Variants in RHOT2 observed in about 807,000 individuals in gnomAD.
The protein encoded by RHOT2 is ras homolog family member T2, also known as mitochondrial Rho GTPase 2.
A neutral mutation model predicts 81.6 loss-of-function variants in RHOT2; 90 were observed. The ratio of observed to expected loss-of-function variants is 1.10; its 90% CI spans 0.93 to 1.31. The LOEUF (loss-of-function observed/expected upper bound fraction) is 1.31. Among genes scored for constraint, RHOT2 ranks in the 40% most tolerant of loss-of-function variants. The pLI is 0.00. For missense variants in RHOT2, 1,014 were observed against 841.9 expected (o/e 1.20, Z -2.53); for synonymous variants, 512 against 370.9 (o/e 1.38, Z -4.37).
In RHOT2 at chr16:669,855, G is replaced by C. The variant is rs1020880689; in HGVS notation, c.276+249G>C. On this transcript the variant is annotated intron_variant, in intron 5 of 18. Transcript: ENST00000315082. Reference sequence around the variant, plus strand: ...TTCTTCCCCAGTTTCCAAACCCCCGGGGGGGGACCCGCAGAGGGCCTGCGT... The same window carrying C: ...TTCTTCCCCAGTTTCCAAACCCCCGCGGGGGGACCCGCAGAGGGCCTGCGT... 4.9e-6 allele frequency: 3 copies of C among 617,244 alleles called. No individual in the cohort carries two copies. In the East Asian group the frequency reaches 8.3e-5, roughly 17 times the overall value. 38.2% of individuals were successfully genotyped at this position (617,244 alleles called of 1,614,324 possible).
rs771754655 is a variant in RHOT2 at position 672,246 on chromosome 16, C to T, written c.1196-8C>T. The T allele has an allele frequency of 2.4e-5, 38 of 1,611,364 alleles. No homozygotes were observed. Among genetic ancestry groups the T allele is most frequent in the South Asian group, 7.7e-5 (7 of 90,992 alleles). On this transcript the variant is annotated splice_polypyrimidine_tract_variant and splice_region_variant and intron_variant, in intron 14 of 18. Coordinates refer to ENST00000315082, the MANE Select transcript of RHOT2 (RefSeq NM_138769.3). ...GGCAGCTGCCCTAACCCGTGTCTAT[C>T]CTCACAGTCACTCGTGAGAAGAGGC...
chr16:673,080 C>T lies in RHOT2; in HGVS notation c.1680C>T (p.Ala560=), dbSNP rs370698054. The T allele has an allele frequency of 3.0e-5, 48 of 1,611,726 alleles. No homozygotes were observed. Among genetic ancestry groups the T allele is most frequent in the Admixed American group, 8.3e-5 (5 of 60,020 alleles). ...APVPFSCAGP[A]EPSTTIFTQL... Reference sequence around the variant, plus strand: ...TGCCGTTCTCCTGTGCTGGCCCAGCCGAGCCCAGCACCACCATCTTCACCC... The same window carrying T: ...TGCCGTTCTCCTGTGCTGGCCCAGCTGAGCCCAGCACCACCATCTTCACCC... Residue 560 remains alanine, a synonymous_variant, in exon 18 of 19, where the codon GCC becomes GCT. Coordinates refer to ENST00000315082, the MANE Select transcript of RHOT2 (RefSeq NM_138769.3).
At chr16:670,086 G>C (rs778818844) in intron 5 of RHOT2, 37 bp from the exon 6 acceptor site, 2 of 1,529,940 alleles carry the variant, frequency 1.3e-6, no homozygotes, top group Non-Finnish European at 1.8e-6. Flanking sequence ...ATGTGCCCGC[G>C]GGCAGCCTCA....
Position 671,002 on chromosome 16 carries a change from T to C in RHOT2, c.748+2T>C. On this transcript the variant is annotated splice_donor_variant, in intron 10 of 18. Coordinates refer to ENST00000315082, the MANE Select transcript of RHOT2 (RefSeq NM_138769.3). LOFTEE classifies it high-confidence loss of function. ...GGGAGGACCGGCTGACCCTGGATGG[T>C]GAGGCCGGGTGCCCGCCTGTGCCTG... 6.3e-7 allele frequency: 1 copy of C among 1,590,676 alleles called. No individual in the cohort carries two copies. Among genetic ancestry groups the C allele is most frequent in the South Asian group, 1.1e-5 (1 of 89,292 alleles).
At chr16:670,410 G>T (rs369418607) in intron 7 of RHOT2, 46 bp from the exon 8 acceptor site, 26 of 1,608,664 alleles carry the variant, frequency 1.6e-5, no homozygotes, top group Non-Finnish European at 1.9e-5. Flanking sequence ...TTCTCAGTCG[G>T]TGCCCTCCTC....
intron 18 of RHOT2, 25 bp downstream of exon 18, chr16:673,155 G>A: frequency 6.2e-7 from 1 of 1,604,810 alleles, no homozygotes; most frequent in Non-Finnish European, 8.5e-7. Context: ...GCGCAGCCCT[G>A]GGGACTAGCA....
chr16:672,316 A>C lies in RHOT2; in HGVS notation c.1258A>C (p.Lys420Gln). Residue 420 changes from lysine to glutamine, a missense_variant, in exon 15 of 19, where the codon AAG becomes CAG. Lys to Gln is a moderately conservative substitution (Grantham distance 53). Transcript: ENST00000315082. ...GQTQRSVLLC[K>Q]VVGARGVGKS... ...GACGCAGCGGAGCGTCCTCCTGTGC[A>C]AGGTGGTAGGGGCCCGTGGAGTGGG... 2 of 1,612,406 alleles carry C rather than the reference A, an allele frequency of 1.2e-6. No homozygotes were observed. The highest frequency in any genetic ancestry group is 1.7e-6 in the Non-Finnish European group (2 of 1,179,774).
At chr16:668,595 C>T (rs1347046861) in intron 3 of RHOT2, 26 bp downstream of exon 3, 1 of 1,609,936 alleles carries the variant, frequency 6.2e-7, no homozygotes, top group East Asian at 2.2e-5. Context: ...TCCCGGGGGC[C>T]CGGCCCGCAG....
At position 670,365 on chromosome 16, in the gene RHOT2, G is replaced by A. The variant is rs757875542; in HGVS notation, c.438+8G>A. On this transcript the variant is annotated splice_region_variant and intron_variant, in intron 7 of 18. Transcript: ENST00000315082. ...ATTGAGACCTGCGTGGAGGTGAGTA[G>A]GTCCCAGGCAGGGCCGCCTCCTTCA... 1 of 1,612,360 alleles carries A rather than the reference G, an allele frequency of 6.2e-7. No homozygotes were observed. The highest frequency in any genetic ancestry group is 8.5e-7 in the Non-Finnish European group (1 of 1,179,566).
chr16:673,893 G>A lies in RHOT2; in HGVS notation c.*287G>A, dbSNP rs1316858655. 6 of 604,044 alleles carry A rather than the reference G, an allele frequency of 9.9e-6. No individual in the cohort carries two copies. Among genetic ancestry groups the A allele is most frequent in the Admixed American group, 6.8e-5 (3 of 44,410 alleles). 37.4% of individuals were successfully genotyped at this position (604,044 alleles called of 1,614,324 possible). A position where few individuals can be genotyped will look rare whatever the true frequency, so the allele number is the denominator to read the frequency against. ...TTGCCCACCCCTGGGCATCATGTGTGTGGGGCCGGGGAGCACAGGTGTGGG... is the reference window on the plus strand; with the variant it reads ...TTGCCCACCCCTGGGCATCATGTGTATGGGGCCGGGGAGCACAGGTGTGGG... On this transcript the variant is annotated 3_prime_UTR_variant, in exon 19 of 19. Transcript: ENST00000315082.
In RHOT2 at chr16:671,257, G is replaced by A. The variant is rs528869419; in HGVS notation, c.869+54G>A. On this transcript the variant is annotated intron_variant, in intron 11 of 18. Coordinates refer to ENST00000315082, the MANE Select transcript of RHOT2 (RefSeq NM_138769.3). ...CCTCCCCGAGGGTCAGGAGCTGACT[G>A]CCGACTATCTCTCCCCTCCATGAGT... The A allele has an allele frequency of 1.5e-5, 22 of 1,508,684 alleles. No individual in the cohort carries two copies. In the Admixed American group the frequency reaches 2.0e-4, roughly 13 times the overall value. The allele number at this position is 1,508,684 out of a possible 1,614,324, so 93.5% of individuals were successfully genotyped here.
intron 17 of RHOT2, 40 bp from the exon 18 acceptor site, chr16:672,888 C>T: frequency 1.9e-6 from 3 of 1,612,478 alleles, no homozygotes; most frequent in Non-Finnish European, 2.5e-6. Context: ...TGTGCCTCGG[C>T]CACCCCAGGA....
rs1210920771 is a variant in RHOT2 at position 671,846 on chromosome 16, C to G, written c.955-14C>G. On this transcript the variant is annotated splice_polypyrimidine_tract_variant and intron_variant, in intron 12 of 18. Transcript: ENST00000315082. ...CTCCCCGGCACACACATCACCACATCCCTCCTTCTGCAGGACCGCGACGGC... is the reference window on the plus strand; with the variant it reads ...CTCCCCGGCACACACATCACCACATGCCTCCTTCTGCAGGACCGCGACGGC... The G allele has an allele frequency of 7.2e-7, 1 of 1,396,708 alleles. No homozygotes were observed. Among genetic ancestry groups the G allele is most frequent in the African/African-American group, 1.5e-5 (1 of 67,990 alleles). The allele number at this position is 1,396,708 out of a possible 1,614,324, so 86.5% of individuals were successfully genotyped here.
In RHOT2 at chr16:670,438, C is replaced by T. The variant is rs2038728610; in HGVS notation, c.439-18C>T. ...CCCTCCTCGGGGCACTTCCCTGAGG[C>T]TGTTCCCACTTTCCCAGTGTTCGGC... On this transcript the variant is annotated intron_variant, in intron 7 of 18. Coordinates refer to ENST00000315082, the MANE Select transcript of RHOT2 (RefSeq NM_138769.3). 3.1e-6 allele frequency: 5 copies of T among 1,605,308 alleles called. No homozygotes were observed. The highest frequency in any genetic ancestry group is 2.7e-5 in the African/African-American group (2 of 74,874).
intron 4 of RHOT2, 117 bp from the exon 5 acceptor site, chr16:669,436 C>T (rs2038524138): frequency 2.0e-6 from 2 of 985,996 alleles, no homozygotes; most frequent in Admixed American, 2.0e-5. Flanking sequence ...AGAGCTGCAC[C>T]CATGCTACCT....
rs763263353 is a variant in RHOT2 at position 669,569 on chromosome 16, T to G, written c.239T>G (p.Val80Gly). ...TTCCCTCAGGCAAACGTGGTGTGTG[T>G]GGTGTATGACGTCTCTGAGGAGGCC... ...EEIHKANVVC[V>G]VYDVSEEATI... The change falls in exon 5 of 19, where the codon GTG (valine) becomes GGG (glycine). Residue 80 changes from valine (V) to glycine (G), a missense_variant. By Grantham distance (109) the Val-to-Gly change is moderately radical. Transcript: ENST00000315082. The G allele has an allele frequency of 6.2e-7, 1 of 1,612,096 alleles. No homozygotes were observed. The highest frequency in any genetic ancestry group is 8.5e-7 in the Non-Finnish European group (1 of 1,179,894).
intron 4 of RHOT2, chr16:669,199 G>C (rs2038470959): frequency 2.3e-6 from 1 of 428,632 alleles, no homozygotes; most frequent in South Asian, 2.7e-5. Flanking sequence ...TGTCTTGCAG[G>C]GTGTTGGGTT....
chr16:670,385 C>G (rs762518302), intron 7 of RHOT2, 28 bp downstream of exon 7: 2 of 1,611,062 alleles, frequency 1.2e-6, no homozygotes, highest in Non-Finnish European at 1.7e-6. Context: ...AGGGCCGCCT[C>G]CTTCATTCCT....
rs774590473 is a variant in RHOT2, at chr16:672,191, C to A, written c.1195+10C>A. 35 of 1,612,570 alleles carry A rather than the reference C, an allele frequency of 2.2e-5. No homozygotes were observed. In the Middle Eastern group the frequency reaches 1.6e-3, roughly 76 times the overall value. On this transcript the variant is annotated intron_variant, in intron 14 of 18. Transcript: ENST00000315082. ...GCCCATGCCATCACAGGTAGGCACC[C>A]ACCCTCCCTGGGCCTGGGCCCAGTA... is the stretch of plus-strand genomic sequence containing the variant.
Sources: gnomAD v4.1 joint callset for allele counts on GRCh38, gnomAD v4.1.1 for gene constraint, MANE v1.5 for transcripts, NCBI Gene and HGNC (gene_info 2026-07-23, HGNC 2026-07-21) for gene names.